The following RBFOX3 variants were observed in gnomAD, a reference collection of about 807,000 sequenced individuals.
RBFOX3 encodes RNA binding protein fox-1 homolog 3.
Under a neutral mutation model 48.7 loss-of-function variants are expected in RBFOX3, and 17 were observed. The ratio of observed to expected loss-of-function variants is 0.35; its 90% confidence interval spans 0.24 to 0.52. The LOEUF (loss-of-function observed/expected upper bound fraction) is 0.52, where lower values mean the gene tolerates loss of function less well. Among genes scored for constraint, RBFOX3 ranks in the 20% least tolerant of loss-of-function variants. The probability of loss-of-function intolerance (pLI) is 0.94; values close to 1 mark genes in which losing one functional copy is unlikely to be tolerated. For missense variants in RBFOX3, 382 were observed against 497.5 expected (o/e 0.77, Z 2.21); for synonymous variants, 212 against 209.5 (o/e 1.01, Z -0.10).
intron 4 of RBFOX3, among the ~76,000 whole-genome samples, chr17:79,221,645 G>C (rs143317395): frequency 6.6e-6 from 1 of 152,356 alleles, no homozygotes; most frequent in East Asian, 1.9e-4. Context: ...TCTTCAGTGA[G>C]AGCCCACCCA....
At chr17:79,104,213 GA>G in intron 6 of RBFOX3, 87 bp from the exon 7 acceptor site, 3 of 1,169,152 alleles carry the variant, frequency 2.6e-6, no homozygotes, top group Non-Finnish European at 3.8e-6. Context: ...CCACTCCTGA[GA>G]CGCTCATGCC....
chr17:79,314,580 A>G (rs979608721), intron 2 of RBFOX3, among the ~76,000 whole-genome samples: 13 of 152,158 alleles, frequency 8.5e-5, no homozygotes, highest in Admixed American at 4.6e-4. Context: ...AGTTTCATGA[A>G]TGAAAGAGTG....
At chr17:79,441,142 G>T (rs564818366) in intron 2 of RBFOX3, among the ~76,000 whole-genome samples, 99 of 152,322 alleles carry the variant, frequency 6.5e-4, no homozygotes, top group African/African-American at 1.9e-3. Context: ...AAGAGAAATC[G>T]CCTGGGGCAG....
chr17:79,114,059 C>T (rs1172713895), intron 5 of RBFOX3, among the ~76,000 whole-genome samples: 1 of 152,128 alleles, frequency 6.6e-6, no homozygotes, highest in Non-Finnish European at 1.5e-5. Context: ...ATGAGAGACC[C>T]CCTCGTCTGT....
At chr17:79,181,988 CACACACACACACAA>C (rs1432412114) in intron 4 of RBFOX3, among the ~76,000 whole-genome samples, 2 of 148,366 alleles carry the variant, frequency 1.3e-5, no homozygotes, top group Admixed American at 6.6e-5. Flanking sequence ...CACACACACA[CACACACACACACAA>C]ACACACAATC....
Position 79,089,685 on chromosome 17 carries a change from T to C in RBFOX3, c.*1198A>G, listed in dbSNP as rs2073554292. ...ACTTCATGAGACAGTGGAGCCACGT[T>C]GGGAGCCTGTATTTTTTGCTGCTTC... On this transcript the variant is annotated 3_prime_UTR_variant, in exon 15 of 15. Transcript: ENST00000693108. The C allele has an allele frequency of 6.6e-6, 1 of 152,564 alleles. No homozygotes were observed. The allele number at this position is 152,564 out of a possible 1,614,324, so 9.5% of individuals were successfully genotyped here.
intron 2 of RBFOX3, among the ~76,000 whole-genome samples, chr17:79,399,864 C>T (rs1016756855): frequency 6.6e-6 from 1 of 152,220 alleles, no homozygotes; most frequent in South Asian, 2.1e-4. Flanking sequence ...TCCAAGTGAA[C>T]GTTGTCCTTA....
intron 4 of RBFOX3, among the ~76,000 whole-genome samples, chr17:79,203,277 G>A (rs575372259): frequency 4.1e-5 from 6 of 145,278 alleles, no homozygotes; most frequent in Admixed American, 2.1e-4. Context: ...GGGGCAGGTG[G>A]AGGTGAAGCA....
At chr17:79,276,215 G>A (rs372313629) in intron 3 of RBFOX3, among the ~76,000 whole-genome samples, 5 of 152,306 alleles carry the variant, frequency 3.3e-5, no homozygotes, top group East Asian at 1.9e-4. Flanking sequence ...AGGGCTGGCC[G>A]AGGCAGAAAT....
At chr17:79,188,535 T>C (rs758772289) in intron 4 of RBFOX3, among the ~76,000 whole-genome samples, 3 of 152,132 alleles carry the variant, frequency 2.0e-5, no homozygotes, top group Admixed American at 2.0e-4. Context: ...ACTTGAGATA[T>C]ATGGGCAGAG....
chr17:79,598,729 A>G (rs2093632302), intron 1 of RBFOX3: 1 of 152,172 alleles, frequency 6.6e-6, no homozygotes, highest in Non-Finnish European at 1.5e-5. Context: ...GTTTAAAAAA[A>G]TAAGTTTTTG....
In RBFOX3 at chr17:79,214,159, C is replaced by G. The variant is rs898997278; in HGVS notation, c.-34+21607G>C. Among the ~76,000 whole-genome samples, 2 of 152,232 alleles carry G rather than the reference C, an allele frequency of 1.3e-5. No homozygotes were observed. Among genetic ancestry groups the G allele is most frequent in the Non-Finnish European group, 2.9e-5 (2 of 68,048 alleles). ...ACCATGATGGATCTCTCTTTAGGAA[C>G]TGCCCCTCACCAGAGCTTTGCCACC... On this transcript the variant is annotated intron_variant, in intron 4 of 14. Transcript: ENST00000693108. The surrounding 1 kb of genome is among the most constrained non-coding windows in gnomAD (Gnocchi z 4.7).
chr17:79,170,566 T>C (rs1490572769), intron 4 of RBFOX3, among the ~76,000 whole-genome samples: 3 of 152,090 alleles, frequency 2.0e-5, no homozygotes, highest in African/African-American at 2.4e-5. Flanking sequence ...CCAGCTGTTC[T>C]ACAGGGACCC....
At chr17:79,315,874 A>G (rs2077474221) in intron 2 of RBFOX3, among the ~76,000 whole-genome samples, 1 of 151,958 alleles carries the variant, frequency 6.6e-6, no homozygotes, top group African/African-American at 2.4e-5. Context: ...GGCTGGGGAG[A>G]GGCCTCCCGA....
chr17:79,316,184 G>A (rs1044627280), intron 2 of RBFOX3, among the ~76,000 whole-genome samples: 2 of 152,162 alleles, frequency 1.3e-5, no homozygotes, highest in African/African-American at 4.8e-5. Flanking sequence ...GATGGTGGAG[G>A]GTGGAGGGGC....
chr17:79,396,518 C>A (rs1200143352), intron 2 of RBFOX3, among the ~76,000 whole-genome samples: 1 of 152,130 alleles, frequency 6.6e-6, no homozygotes, highest in East Asian at 1.9e-4. Flanking sequence ...AAAGGACCTC[C>A]TTCCTTAATG....
chr17:79,121,649 C>T (rs2035769230), intron 4 of RBFOX3, among the ~76,000 whole-genome samples: 1 of 152,162 alleles, frequency 6.6e-6, no homozygotes, highest in Non-Finnish European at 1.5e-5. Flanking sequence ...TTGGTGGCTC[C>T]TCTATGTGGA....
At chr17:79,284,230 G>A (rs575564100) in intron 3 of RBFOX3, among the ~76,000 whole-genome samples, 6 of 152,358 alleles carry the variant, frequency 3.9e-5, no homozygotes, top group Middle Eastern at 3.4e-3. Flanking sequence ...GCATCGGCAC[G>A]AGTGGACAGT....
At position 79,101,829 on chromosome 17, in the gene RBFOX3, C is replaced by T. The variant is rs188888850; in HGVS notation, c.508-185G>A. 8.0e-3 allele frequency among the ~76,000 whole-genome samples: 1,214 copies of T among 152,270 alleles called. 19 individuals are homozygous for T. Among genetic ancestry groups the T allele is most frequent in the African/African-American group, 0.027 (1,117 of 41,546 alleles). ...CTGCTCCCAGCACGGGCTAAAGCCC[C>T]GCCTGGCCCAGGACCCCAGACCCAG... On this transcript the variant is annotated intron_variant, in intron 8 of 14. Transcript: ENST00000693108.
Sources: allele counts gnomAD v4.1 joint callset (sites outside exome capture counted in the v4.1 genomes callset), GRCh38; gene constraint gnomAD v4.1.1; non-coding constraint Gnocchi (gnomAD v3.1); transcripts MANE v1.5; gene names NCBI Gene and HGNC (gene_info 2026-07-23, HGNC 2026-07-21).